The following DDX19A variants were observed in gnomAD, a reference collection of about 807,000 sequenced individuals.
DDX19A encodes the protein DEAD-box helicase 19A.
A neutral mutation model predicts 60.6 loss-of-function variants in DDX19A; 12 were observed. That is an observed-to-expected ratio of 0.20 (90% CI 0.13 to 0.32). The LOEUF is 0.32. Among genes scored for constraint, DDX19A ranks in the 10% least tolerant of loss-of-function variants. The pLI, the probability that DDX19A is intolerant of heterozygous loss-of-function variation, is 1.00. For synonymous variants in DDX19A, 206 were observed against 218.2 expected, an observed-to-expected ratio of 0.94 and a Z score of 0.49; for missense variants, 337 against 600.6, an observed-to-expected ratio of 0.56 and a Z score of 4.59.
rs1964179195 is a variant in DDX19A, at chr16:70,356,191, G to A, written c.237G>A (p.Leu79=). The change falls in exon 4 of 12, where the codon CTG becomes CTA. Residue 79 remains leucine (L), a synonymous_variant. Transcript: ENST00000302243. The part of the protein sequence containing the change: ...LVDNTNQVEV[L]QRDPNSPLYS... ...ATAACACAAACCAAGTGGAAGTCCTGCAACGGGATCCAAACTCCCCTCTGT... is the reference window on the plus strand; with the variant it reads ...ATAACACAAACCAAGTGGAAGTCCTACAACGGGATCCAAACTCCCCTCTGT... The A allele has an allele frequency of 6.2e-7, 1 of 1,614,078 alleles. No individual in the cohort carries two copies. The highest frequency in any genetic ancestry group is 8.5e-7 in the Non-Finnish European group (1 of 1,180,018).
intron 1 of DDX19A, among the ~76,000 whole-genome samples, chr16:70,349,909 T>TC (rs976171518): frequency 1.1e-4 from 17 of 152,346 alleles, no homozygotes; most frequent in South Asian, 4.1e-4. Context: ...ACCTTTTTTT[T>TC]CACCATGTAG....
intron 7 of DDX19A, 95 bp downstream of exon 7, chr16:70,365,226 C>G (rs1964484194): frequency 2.6e-6 from 2 of 779,018 alleles, no homozygotes; most frequent in Non-Finnish European, 4.4e-6. Context: ...CTTTCTAATT[C>G]AGTCTGACCC....
chr16:70,356,489 T>C (rs1285989426), intron 4 of DDX19A, among the ~76,000 whole-genome samples: 1 of 152,018 alleles, frequency 6.6e-6, no homozygotes, highest in African/African-American at 2.4e-5. Context: ...CCCAAGTAGC[T>C]GGGATTACAG....
chr16:70,368,999 C>G (rs1338662197), intron 9 of DDX19A, among the ~76,000 whole-genome samples: 2 of 150,004 alleles, frequency 1.3e-5, no homozygotes, highest in Non-Finnish European at 3.0e-5. Context: ...TCCCGGGTAG[C>G]TGGGATTACA....
intron 4 of DDX19A, chr16:70,357,049 C>T (rs986399930): frequency 2.2e-5 from 6 of 271,110 alleles, no homozygotes; most frequent in Non-Finnish European, 3.7e-5. Context: ...GAGTTCAAGA[C>T]CAGCCTGACC....
chr16:70,361,598 C>A, intron 5 of DDX19A, 88 bp downstream of exon 5: 1 of 985,940 alleles, frequency 1.0e-6, no homozygotes, highest in Non-Finnish European at 1.6e-6. Context: ...ACAGAAGGAG[C>A]TGTTTGGGGC....
intron 4 of DDX19A, chr16:70,356,714 AAG>A (rs1964198371): frequency 3.4e-6 from 1 of 297,080 alleles, no homozygotes; most frequent in African/African-American, 2.2e-5. Flanking sequence ...AAAAGTCAAA[AAG>A]TATGAAAAAA....
intron 1 of DDX19A, chr16:70,347,284 A>C (rs750050015): frequency 5.3e-6 from 3 of 570,842 alleles, no homozygotes. Context: ...CCCACTATGC[A>C]TGCTGTCATT....
rs182157475 is a variant in DDX19A at position 70,351,776 on chromosome 16, G to T, written c.106+1171G>T. Reference sequence around the variant, plus strand: ...ATGTCCTGACCTCGTGATCCACCCCGCTTGGCCTCCCAAAGTGCTGGGATT... The same window carrying T: ...ATGTCCTGACCTCGTGATCCACCCCTCTTGGCCTCCCAAAGTGCTGGGATT... On this transcript the variant is annotated intron_variant, in intron 2 of 11. Coordinates refer to ENST00000302243, the MANE Select transcript of DDX19A (RefSeq NM_018332.5). Among the ~76,000 whole-genome samples the T allele has an allele frequency of 3.1e-3, 474 of 150,918 alleles. 3 individuals carry two copies. Among genetic ancestry groups the T allele is most frequent in the Non-Finnish European group, 5.5e-3 (374 of 67,630 alleles).
intron 11 of DDX19A, among the ~76,000 whole-genome samples, 156 bp from the exon 12 acceptor site, chr16:70,371,769 C>T (rs1964695427): frequency 1.3e-5 from 2 of 152,150 alleles, no homozygotes; most frequent in Non-Finnish European, 2.9e-5. Context: ...GACTGGGCTT[C>T]GGGGCGTGGG....
intron 9 of DDX19A, 104 bp from the exon 10 acceptor site, chr16:70,370,119 C>T (rs551502746): frequency 1.4e-6 from 2 of 1,443,876 alleles, no homozygotes; most frequent in East Asian, 2.5e-5. Context: ...ATGACTTGAG[C>T]CCAGGACTTT....
chr16:70,352,548 G>T (rs1352900835), intron 2 of DDX19A, among the ~76,000 whole-genome samples: 4 of 151,814 alleles, frequency 2.6e-5, no homozygotes, highest in Non-Finnish European at 4.4e-5. Context: ...CTCCCAAAGT[G>T]CTGGGATTAC....
intron 5 of DDX19A, among the ~76,000 whole-genome samples, chr16:70,362,171 CAAAAA>C: frequency 9.3e-6 from 1 of 107,328 alleles, no homozygotes; most frequent in Middle Eastern, 5.3e-3. Context: ...GACCCTGTCT[CAAAAA>C]AAAAAAAAAA....
At chr16:70,352,829 G>T (rs1964064729) in intron 2 of DDX19A, among the ~76,000 whole-genome samples, 1 of 150,832 alleles carries the variant, frequency 6.6e-6, no homozygotes, top group Admixed American at 6.6e-5. Context: ...GTAGAGATGG[G>T]GTTTCTCCAT....
Position 70,372,083 on chromosome 16 carries a change from C to G in DDX19A, c.*97C>G. ...GGCCCCGACATCACCCCAAGGACAA[C>G]GGCAGAAGTAGAGAGAAACTACCTA... is the stretch of plus-strand genomic sequence containing the variant. On this transcript the variant is annotated 3_prime_UTR_variant, in exon 12 of 12. Transcript: ENST00000302243. 1.3e-6 allele frequency: 2 copies of G among 1,579,230 alleles called. No homozygotes were observed. Among genetic ancestry groups the G allele is most frequent in the East Asian group, 2.2e-5 (1 of 44,704 alleles).
chr16:70,366,501 C>G (rs1001796074), intron 8 of DDX19A, 123 bp from the exon 9 acceptor site: 1 of 1,386,698 alleles, frequency 7.2e-7, no homozygotes, highest in African/African-American at 1.4e-5. Flanking sequence ...GCTGCTCCTC[C>G]TCCCCAAGAT....
At chr16:70,353,881 A>G (rs2151631326) in intron 2 of DDX19A, among the ~76,000 whole-genome samples, 2 of 149,072 alleles carry the variant, frequency 1.3e-5, no homozygotes, top group African/African-American at 5.0e-5. Flanking sequence ...ATCCTGGGCA[A>G]CAGAGTGAGA....
chr16:70,361,575 T>A lies in DDX19A; in HGVS notation c.386+65T>A, dbSNP rs577246350. On this transcript the variant is annotated intron_variant, in intron 5 of 11. Transcript: ENST00000302243. ...AGATCAATCTTCCCCAAACTGCGTTTTTGTGCCTGAGAACAGAAGGAGCTG... is the reference window on the plus strand; with the variant it reads ...AGATCAATCTTCCCCAAACTGCGTTATTGTGCCTGAGAACAGAAGGAGCTG... 6.8e-5 allele frequency: 93 copies of A among 1,366,416 alleles called. No homozygotes were observed. The Middle Eastern group carries it at 1.1e-3, about 16-fold the overall frequency. 84.6% of individuals were successfully genotyped at this position (1,366,416 alleles called of 1,614,324 possible).
At chr16:70,357,361 G>T (rs1597528795) in intron 4 of DDX19A, among the ~76,000 whole-genome samples, 4 of 75,546 alleles carry the variant, frequency 5.3e-5, no homozygotes, top group Admixed American at 1.7e-4. Flanking sequence ...ATCTGTTTTT[G>T]GTTTGTTTTT....
Sources: allele counts gnomAD v4.1 joint callset (sites outside exome capture counted in the v4.1 genomes callset), GRCh38; gene constraint gnomAD v4.1.1; transcripts MANE v1.5; gene names NCBI Gene and HGNC (gene_info 2026-07-23, HGNC 2026-07-21).